Variants in SLC35D1 observed in about 807,000 individuals in gnomAD.
The protein encoded by SLC35D1 is nucleotide sugar transporter SLC35D1.
A neutral mutation model predicts 46.7 loss-of-function variants in SLC35D1; 31 were observed. The ratio of observed to expected loss-of-function variants is 0.66; its 90% CI spans 0.50 to 0.90. The LOEUF (loss-of-function observed/expected upper bound fraction) is 0.90, where lower values mean the gene tolerates loss of function less well. Ranked by LOEUF, SLC35D1 falls within the 40% of genes least tolerant of loss-of-function variation. The probability of loss-of-function intolerance (pLI) is 0.00; values close to 1 mark genes in which losing one functional copy is unlikely to be tolerated. For synonymous variants in SLC35D1, 195 were observed against 164.6 expected (o/e 1.18, Z -1.41); for missense variants, 397 against 426.2 (o/e 0.93, Z 0.60).
At chr1:66,983,655 T>G in the SLC35D1 span, among the ~76,000 whole-genome samples, 1 of 152,236 alleles carries the variant, frequency 6.6e-6, no homozygotes, top group Non-Finnish European at 1.5e-5. Context: ...AAGTATATGC[T>G]TGGATAGTGC....
downstream of SLC35D1, among the ~76,000 whole-genome samples, chr1:66,997,519 A>ATATAC (rs1553262616): frequency 1.2e-4 from 9 of 74,070 alleles, no homozygotes; most frequent in African/African-American, 4.5e-4. Context: ...AAAAAAAAAA[A>ATATAC]ATATATATAT....
At chr1:67,028,574 T>C (rs1315939512) in intron 8 of SLC35D1, among the ~76,000 whole-genome samples, 1 of 152,238 alleles carries the variant, frequency 6.6e-6, no homozygotes, top group Non-Finnish European at 1.5e-5. Flanking sequence ...TAACCCATTT[T>C]ATCATTATGA....
At chr1:66,978,873 A>G in the SLC35D1 span, among the ~76,000 whole-genome samples, 1 of 152,192 alleles carries the variant, frequency 6.6e-6, no homozygotes, top group African/African-American at 2.4e-5. Context: ...TAATTTCTCT[A>G]TTGATCTCCC....
intron 8 of SLC35D1, among the ~76,000 whole-genome samples, chr1:67,031,240 G>A (rs979478580): frequency 1.3e-5 from 2 of 151,954 alleles, no homozygotes; most frequent in African/African-American, 4.8e-5. Context: ...GAGAAAGTCA[G>A]TCTATGGCAC....
At chr1:67,024,731 A>G (rs762398587) in intron 8 of SLC35D1, among the ~76,000 whole-genome samples, 1 of 151,852 alleles carries the variant, frequency 6.6e-6, no homozygotes, top group Non-Finnish European at 1.5e-5. Context: ...CCTGTGTCCT[A>G]ATTTCCCACC....
At chr1:67,013,472 T>C (rs944016526) in intron 10 of SLC35D1, among the ~76,000 whole-genome samples, 7 of 151,980 alleles carry the variant, frequency 4.6e-5, no homozygotes, top group Non-Finnish European at 8.8e-5. Flanking sequence ...GGGGGATAAA[T>C]TGAGCCCGGG....
chr1:67,051,480 C>A (rs1645307906), intron 4 of SLC35D1, among the ~76,000 whole-genome samples: 1 of 152,198 alleles, frequency 6.6e-6, no homozygotes, highest in Non-Finnish European at 1.5e-5. Context: ...AGAGCTATTG[C>A]TTCTTTCTGA....
chr1:67,030,714 C>T (rs977629441), intron 8 of SLC35D1, among the ~76,000 whole-genome samples: 17 of 152,194 alleles, frequency 1.1e-4, no homozygotes, highest in African/African-American at 3.1e-4. Context: ...CCTCTGCTTT[C>T]GGTGTACAAT....
intron 8 of SLC35D1, among the ~76,000 whole-genome samples, chr1:67,039,670 C>T (rs1232951852): frequency 1.3e-5 from 2 of 151,998 alleles, no homozygotes; most frequent in African/African-American, 4.8e-5. Flanking sequence ...TCAAAGTGGC[C>T]CCCATTCAAA....
At chr1:67,045,045 A>G (rs2102354926) in intron 7 of SLC35D1, among the ~76,000 whole-genome samples, 1 of 152,270 alleles carries the variant, frequency 6.6e-6, no homozygotes, top group Non-Finnish European at 1.5e-5. Context: ...AAAAAAAGCC[A>G]TACTGGGACA....
Position 67,002,368 on chromosome 1 carries a change from G to C in SLC35D1, c.*1972C>G, listed in dbSNP as rs1030778317. On this transcript the variant is annotated 3_prime_UTR_variant, in exon 12 of 12. Coordinates refer to ENST00000235345, the MANE Select transcript of SLC35D1 (RefSeq NM_015139.3). ...TTTGAAAGTGCTCAAGTGAACTCAG[G>C]ATCTGTTTCCTTACTCCCTCAGAGG... 3.9e-5 allele frequency: 6 copies of C among 152,290 alleles called. No homozygotes were observed. The highest frequency in any genetic ancestry group is 2.0e-4 in the Admixed American group (3 of 15,272). The allele number at this position is 152,290 out of a possible 1,614,324, so 9.4% of individuals were successfully genotyped here.
the SLC35D1 span, among the ~76,000 whole-genome samples, chr1:66,990,269 C>T: frequency 3.3e-5 from 5 of 152,092 alleles, no homozygotes; most frequent in African/African-American, 4.8e-5. Flanking sequence ...ACGTGGACTA[C>T]ATCTGCAATT....
chr1:66,978,939 AAGGTTAAATATTCTTT>A, the SLC35D1 span, among the ~76,000 whole-genome samples: 4 of 152,230 alleles, frequency 2.6e-5, no homozygotes, highest in Admixed American at 6.5e-5. Flanking sequence ...AATGACTCTT[AAGGTTAAATATTCTTT>A]AGGTAGAGTG....
chr1:66,978,209 A>AAAAG, the SLC35D1 span, among the ~76,000 whole-genome samples: 29,696 of 149,390 alleles, frequency 0.2, 3,379 homozygotes, highest in Non-Finnish European at 0.25. Flanking sequence ...AAAAAAAAAA[A>AAAAG]AAAGATGTGC....
At chr1:66,973,129 A>G in the SLC35D1 span, 1 of 584,062 alleles carries the variant, frequency 1.7e-6, no homozygotes. Flanking sequence ...TTAGTGAGTA[A>G]TTATAGTAAG....
intron 10 of SLC35D1, among the ~76,000 whole-genome samples, chr1:67,017,488 C>T (rs1016544186): frequency 1.3e-5 from 2 of 152,074 alleles, no homozygotes; most frequent in African/African-American, 4.8e-5. Flanking sequence ...TAAAGCCCTA[C>T]AAACTGAAAC....
chr1:67,030,543 G>C (rs1570627742), intron 8 of SLC35D1, among the ~76,000 whole-genome samples: 1 of 151,940 alleles, frequency 6.6e-6, no homozygotes, highest in Admixed American at 6.6e-5. Context: ...AGGGAATCTG[G>C]CTCAATAAAT....
chr1:67,026,666 G>C (rs1248240103), intron 8 of SLC35D1, among the ~76,000 whole-genome samples: 2 of 151,974 alleles, frequency 1.3e-5, no homozygotes, highest in African/African-American at 4.8e-5. Context: ...TATTAATTAA[G>C]GCTTATGATT....
At chr1:67,032,069 CA>C in intron 8 of SLC35D1, 1 of 985,400 alleles carries the variant, frequency 1.0e-6, no homozygotes, top group Non-Finnish European at 1.2e-6. Flanking sequence ...CTCTCTGCCA[CA>C]AGGCCTGGAA....
Sources: allele counts gnomAD v4.1 joint callset (sites outside exome capture counted in the v4.1 genomes callset), GRCh38; gene constraint gnomAD v4.1.1; transcripts MANE v1.5; gene names NCBI Gene and HGNC (gene_info 2026-07-23, HGNC 2026-07-21).